USH2A: variants seen among roughly 807,000 people sequenced by gnomAD.
The protein encoded by USH2A is Usher syndrome 2A (autosomal recessive, mild).
In USH2A, 443 loss-of-function variants were observed where a neutral mutation model predicts 538.9. The ratio of observed to expected loss-of-function variants is 0.82; its 90% CI spans 0.76 to 0.89. The LOEUF is 0.89. Among genes scored for constraint, USH2A ranks in the 40% least tolerant of loss-of-function variants. The pLI, the probability that USH2A is intolerant of heterozygous loss-of-function variation, is 0.00. For missense variants in USH2A, 6,633 were observed against 6,324.8 expected, an observed-to-expected ratio of 1.05 and a Z score of -1.65; for synonymous variants, 2,413 against 2,273.5, an observed-to-expected ratio of 1.06 and a Z score of -1.75.
At chr1:215,876,161 A>G (rs1236488826) in intron 43 of USH2A, among the ~76,000 whole-genome samples, 1 of 152,114 alleles carries the variant, frequency 6.6e-6, no homozygotes, top group Non-Finnish European at 1.5e-5. Flanking sequence ...TAGGGATGCC[A>G]AATTAAGTAA....
chr1:215,656,137 C>T (rs1313051356), intron 64 of USH2A, among the ~76,000 whole-genome samples: 1 of 152,192 alleles, frequency 6.6e-6, no homozygotes, highest in Non-Finnish European at 1.5e-5. Context: ...CTTTCTAATG[C>T]CTGTATTGGC....
At chr1:215,757,275 T>C (rs1185640763) in intron 58 of USH2A, among the ~76,000 whole-genome samples, 1 of 152,264 alleles carries the variant, frequency 6.6e-6, no homozygotes, top group African/African-American at 2.4e-5. Context: ...TTTTGAATTT[T>C]AGGGGAAAAT....
intron 14 of USH2A, among the ~76,000 whole-genome samples, chr1:216,225,456 G>A (rs2035541909): frequency 6.6e-6 from 1 of 152,118 alleles, no homozygotes; most frequent in South Asian, 2.1e-4. Flanking sequence ...GGGATAGGAG[G>A]GTCAAGTCAA....
At chr1:215,932,261 G>A (rs1011215432) in intron 38 of USH2A, among the ~76,000 whole-genome samples, 1 of 151,950 alleles carries the variant, frequency 6.6e-6, no homozygotes, top group Admixed American at 6.6e-5. Context: ...CTGCCCATAA[G>A]TTGGTTTGCC....
chr1:216,148,600 C>T (rs907478824), intron 21 of USH2A, among the ~76,000 whole-genome samples: 6 of 152,210 alleles, frequency 3.9e-5, no homozygotes, highest in South Asian at 4.1e-4. Flanking sequence ...TACAGCATGG[C>T]CTTTTAAAGC....
chr1:216,142,039 C>T (rs967804062), intron 21 of USH2A, among the ~76,000 whole-genome samples: 13 of 151,832 alleles, frequency 8.6e-5, no homozygotes, highest in Non-Finnish European at 1.6e-4. Context: ...CACACATTTC[C>T]CCCCAAGCAA....
intron 32 of USH2A, among the ~76,000 whole-genome samples, chr1:216,038,925 G>T (rs978629344): frequency 6.6e-6 from 1 of 151,934 alleles, no homozygotes. Flanking sequence ...TTTAAGCATA[G>T]AATCTTTCCC....
chr1:215,958,278 T>G (rs11589643), intron 37 of USH2A, among the ~76,000 whole-genome samples: 28,943 of 152,000 alleles, frequency 0.19, 3,070 homozygotes, highest in African/African-American at 0.29. Context: ...TTTTTCAAGA[T>G]TTTTTAGAGA....
intron 3 of USH2A, among the ~76,000 whole-genome samples, chr1:216,405,086 G>C (rs2039372124): frequency 6.6e-6 from 1 of 152,114 alleles, no homozygotes; most frequent in Non-Finnish European, 1.5e-5. Context: ...GAAGTCCTGG[G>C]CTCAAGCAAT....
At chr1:216,251,471 G>A (rs1480660341) in intron 11 of USH2A, among the ~76,000 whole-genome samples, 4 of 33,882 alleles carry the variant, frequency 1.2e-4, no homozygotes, top group African/African-American at 2.8e-4. Context: ...TTTTTTTTGA[G>A]ATGGAGTCTC....
chr1:215,783,823 T>C (rs1661715787), intron 52 of USH2A, among the ~76,000 whole-genome samples: 1 of 152,170 alleles, frequency 6.6e-6, no homozygotes, highest in African/African-American at 2.4e-5. Context: ...AAGGAGGCCT[T>C]CCTCCTTGGC....
intron 1 of USH2A, among the ~76,000 whole-genome samples, 191 bp from the exon 2 acceptor site, chr1:216,422,731 A>C (rs562638771): frequency 2.6e-5 from 4 of 152,220 alleles, no homozygotes; most frequent in African/African-American, 9.6e-5. Context: ...TGGGCAAATC[A>C]AGCACTTTAT....
Position 215,995,946 on chromosome 1 carries a change from G to A in USH2A, c.6658-2779C>T, listed in dbSNP as rs143814180. On this transcript the variant is annotated intron_variant, in intron 34 of 71. Transcript: ENST00000307340. The stretch of plus-strand genomic sequence containing the variant: ...GTTGTTGTTGAGATGGAGTCTTGCT[G>A]TATTGCCCAGGCTGGAGTGCAGTGG... Among the ~76,000 whole-genome samples the A allele has an allele frequency of 9.7e-4, 147 of 152,180 alleles. 5 individuals carry two copies. In the East Asian group the frequency reaches 0.027, roughly 28 times the overall value.
rs368798834 is a variant in USH2A at position 216,422,073 on chromosome 1, G to T, written c.264C>A (p.Cys88Ter). 1 of 1,613,756 alleles carries T rather than the reference G, an allele frequency of 6.2e-7. No homozygotes were observed. The highest frequency in any genetic ancestry group is 8.5e-7 in the Non-Finnish European group (1 of 1,179,872). ...AGGTAGGGTGTGAAGATCTGTATGG[G>T]CAATCCTGAATACAAAACCGCTGGG... ...FCTQRFCIQDCPYRSSHPTYT... is the reference protein window; with the variant it reads ...FCTQRFCIQD Residue 88 changes from cysteine (C) to a stop codon, truncating the protein, a stop_gained, in exon 2 of 72, where the codon TGC becomes TGA. Transcript: ENST00000307340. LOFTEE classifies it high-confidence loss of function.
chr1:216,053,360 G>A (rs1246700953), intron 30 of USH2A, among the ~76,000 whole-genome samples: 1 of 151,990 alleles, frequency 6.6e-6, no homozygotes, highest in East Asian at 1.9e-4. Context: ...GTGACACTTG[G>A]GGTTTTTATA....
At chr1:215,990,796 CTG>C (rs966456934) in intron 35 of USH2A, among the ~76,000 whole-genome samples, 1 of 129,302 alleles carries the variant, frequency 7.7e-6, no homozygotes, top group African/African-American at 2.9e-5. Flanking sequence ...GAGTCTCACT[CTG>C]TCACCCAGGC....
At chr1:215,983,244 G>C (rs530592402) in intron 35 of USH2A, among the ~76,000 whole-genome samples, 2 of 152,282 alleles carry the variant, frequency 1.3e-5, no homozygotes, top group Admixed American at 1.3e-4. Flanking sequence ...TTACAGGCTT[G>C]AGCCACCACG....
At chr1:216,047,364 T>C (rs994038014) in intron 31 of USH2A, among the ~76,000 whole-genome samples, 4 of 152,142 alleles carry the variant, frequency 2.6e-5, no homozygotes, top group East Asian at 1.9e-4. Context: ...TTGTCCCATA[T>C]TGAGGCTGGT....
chr1:215,754,187 C>T (rs1157821422), intron 58 of USH2A, among the ~76,000 whole-genome samples: 1 of 152,136 alleles, frequency 6.6e-6, no homozygotes, highest in Non-Finnish European at 1.5e-5. Context: ...AGAGAAGGAG[C>T]TTATCAGTGT....
Sources: gnomAD v4.1 joint callset for allele counts (sites outside exome capture counted in the v4.1 genomes callset) on GRCh38, gnomAD v4.1.1 for gene constraint, MANE v1.5 for transcripts, NCBI Gene and HGNC (gene_info 2026-07-23, HGNC 2026-07-21) for gene names.